Variants in TMEM63A observed in about 807,000 individuals in gnomAD.
TMEM63A encodes mechanosensitive cation channel TMEM63A.
A neutral mutation model predicts 100.6 loss-of-function variants in TMEM63A; 76 were observed. That is an observed-to-expected ratio of 0.76 (90% CI 0.63 to 0.91). TMEM63A has a LOEUF of 0.91. Among genes scored for constraint, TMEM63A ranks in the 40% least tolerant of loss-of-function variants. TMEM63A has a pLI of 0.00. For missense variants in TMEM63A, 876 were observed against 1,008.8 expected, an observed-to-expected ratio of 0.87 and a Z score of 1.78; for synonymous variants, 401 against 401.1, an observed-to-expected ratio of 1.00 and a Z score of 0.00.
chr1:225,844,982 T>C (rs1225047771), downstream of TMEM63A, among the ~76,000 whole-genome samples: 1 of 152,082 alleles, frequency 6.6e-6, no homozygotes, highest in Non-Finnish European at 1.5e-5. Flanking sequence ...GAGAAGGCCC[T>C]CAGTGAGGGG....
At chr1:225,870,451 C>G (rs78344397) in intron 6 of TMEM63A, among the ~76,000 whole-genome samples, 51,657 of 151,686 alleles carry the variant, frequency 0.34, 9,686 homozygotes, top group East Asian at 0.57. Context: ...CCCGCCCCCC[C>G]CCGCCTCCTG....
chr1:225,861,020 C>T (rs762638963), intron 13 of TMEM63A, 23 bp from the exon 14 acceptor site: 8 of 1,588,690 alleles, frequency 5.0e-6, no homozygotes, highest in East Asian at 2.3e-5. Context: ...GTAGCAACAG[C>T]CAGGCCCAGG....
At chr1:225,868,762 C>G (rs1053093232) in intron 6 of TMEM63A, among the ~76,000 whole-genome samples, 1 of 152,090 alleles carries the variant, frequency 6.6e-6, no homozygotes, top group Non-Finnish European at 1.5e-5. Context: ...CCTGTCTCCC[C>G]CTCAGATGGA....
In TMEM63A at chr1:225,857,380, G is replaced by GGT. The variant is rs1669681597; in HGVS notation, c.1378-364_1378-363insAC. Among the ~76,000 whole-genome samples, 3 of 1,210 alleles carry GGT rather than the reference G, an allele frequency of 2.5e-3. 1 individual carries two copies. The allele number at this position is 1,210 out of a possible 152,430, so 0.8% of individuals were successfully genotyped here. A position where few individuals can be genotyped will look rare whatever the true frequency, so the allele number is the denominator to read the frequency against. On this transcript the variant is annotated intron_variant, in intron 15 of 24. Transcript: ENST00000366835. ...CCGAAGGCCTGGAGTCCTGGCCGGC[G>GGT]GGGCGGGGGGGGGGGGGTGCCCTGC...
chr1:225,873,298 C>A (rs1209582059), intron 4 of TMEM63A, among the ~76,000 whole-genome samples: 1 of 152,202 alleles, frequency 6.6e-6, no homozygotes, highest in Non-Finnish European at 1.5e-5. Flanking sequence ...CCAAAAGTTT[C>A]TCTCCAACAG....
intron 23 of TMEM63A, chr1:225,847,540 T>C (rs1050919461): frequency 1.3e-5 from 3 of 226,192 alleles, no homozygotes; most frequent in African/African-American, 6.8e-5. Context: ...TCTACCTATA[T>C]AGGGGGGCTT....
rs1262042001 is a variant in TMEM63A at position 225,848,235 on chromosome 1, AAG to A, written c.2250+255_2250+256del. 7.7e-6 allele frequency: 4 copies of A among 516,572 alleles called. No individual in the cohort carries two copies. The South Asian group carries it at 8.0e-5, about 10-fold the overall frequency. The allele number at this position is 516,572 out of a possible 1,614,324, so 32.0% of individuals were successfully genotyped here. ...CAGGCATTAAATATGCAGAGAAGGA[AAG>A]AGAGCAGGGAACTGAAACCAAGGGG... On this transcript the variant is annotated intron_variant, in intron 23 of 24. Transcript: ENST00000366835.
intron 9 of TMEM63A, 193 bp downstream of exon 9, chr1:225,866,381 T>C: frequency 1.7e-6 from 1 of 578,444 alleles, no homozygotes; most frequent in Non-Finnish European, 3.1e-6. Context: ...GTCCAAATCT[T>C]GAAACAATCC....
chr1:225,849,577 G>T (rs191802624), intron 21 of TMEM63A, among the ~76,000 whole-genome samples: 11 of 152,290 alleles, frequency 7.2e-5, no homozygotes, highest in Non-Finnish European at 1.6e-4. Context: ...TGGGACAATT[G>T]ACCAGGCCTT....
Position 225,850,030 on chromosome 1 carries a change from G to A in TMEM63A, c.1953C>T (p.Tyr651=). The A allele has an allele frequency of 6.2e-7, 1 of 1,614,226 alleles. No homozygotes were observed. The highest frequency in any genetic ancestry group is 8.5e-7 in the Non-Finnish European group (1 of 1,180,044). ...CCAGCTTGGCTGGGAGGTAGACGAA[G>A]TAGAGGTTGTGCCGGTCCACCATGT... ...LKHMVDRHNL[Y]FVYLPAKLEK... is the part of the protein sequence containing the mutation. The change falls in exon 21 of 25, where the codon TAC becomes TAT. Residue 651 remains tyrosine (Y), a synonymous_variant. Transcript: ENST00000366835.
chr1:225,878,722 G>C (rs112474456), intron 2 of TMEM63A, among the ~76,000 whole-genome samples: 8 of 152,252 alleles, frequency 5.3e-5, no homozygotes, highest in African/African-American at 1.7e-4. Context: ...GCTTCTAGCT[G>C]TTACAGGGAC....
At position 225,873,894 on chromosome 1, in the gene TMEM63A, A is replaced by G. The variant is rs140065313; in HGVS notation, c.266+394T>C. Among the ~76,000 whole-genome samples, 76 of 152,370 alleles carry G rather than the reference A, an allele frequency of 5.0e-4. 2 individuals carry two copies. The highest frequency in any genetic ancestry group is 1.7e-3 in the African/African-American group (71 of 41,596). On this transcript the variant is annotated intron_variant, in intron 4 of 24. Coordinates refer to ENST00000366835, the MANE Select transcript of TMEM63A (RefSeq NM_014698.3). The stretch of plus-strand genomic sequence containing the variant: ...GATGACGAAAGCCCTCAGTATCTAA[A>G]GCAACCAGTCTGAAGCCAACAAGGT...
In TMEM63A at chr1:225,871,049, C is replaced by A. The variant is rs780816362; in HGVS notation, c.371+27G>T. Reference sequence around the variant, plus strand: ...CCAAAAAAACCAGCCCAAAGGCCCCCCAGCAGCTGCCCCCGGGTGTACTCA... The same window carrying A: ...CCAAAAAAACCAGCCCAAAGGCCCCACAGCAGCTGCCCCCGGGTGTACTCA... On this transcript the variant is annotated intron_variant, in intron 6 of 24. Transcript: ENST00000366835. 5 of 1,612,978 alleles carry A rather than the reference C, an allele frequency of 3.1e-6. No homozygotes were observed. The African/African-American group carries it at 5.3e-5, about 17-fold the overall frequency.
Position 225,853,932 on chromosome 1 carries a change from A to G in TMEM63A, c.1635-141T>C. Reference sequence around the variant, plus strand: ...CATTCAGCACATATTTGGGAAACACATCTGTGTGCCAAGCACCTTTCTAGG... The same window carrying G: ...CATTCAGCACATATTTGGGAAACACGTCTGTGTGCCAAGCACCTTTCTAGG... On this transcript the variant is annotated intron_variant, in intron 18 of 24. Transcript: ENST00000366835. The surrounding 1 kb of genome is among the most constrained non-coding windows in gnomAD (Gnocchi z 4.0). 2 of 824,504 alleles carry G rather than the reference A, an allele frequency of 2.4e-6. No homozygotes were observed. The highest frequency in any genetic ancestry group is 1.8e-6 in the Non-Finnish European group (1 of 553,956). The allele number at this position is 824,504 out of a possible 1,614,324, so 51.1% of individuals were successfully genotyped here. A position where few individuals can be genotyped will look rare whatever the true frequency, so the allele number is the denominator to read the frequency against.
At position 225,862,545 on chromosome 1, in the gene TMEM63A, T is replaced by C. The variant is rs926480275; in HGVS notation, c.861A>G (p.Thr287=). 37 of 1,613,918 alleles carry C rather than the reference T, an allele frequency of 2.3e-5. No homozygotes were observed. Among genetic ancestry groups the C allele is most frequent in the Non-Finnish European group, 3.1e-5 (37 of 1,179,992 alleles). ...KKTEKSLTYY[T]NLQVKTGQRT... Reference sequence around the variant, plus strand: ...GCTGGCCTGTCTTCACCTGCAGGTTTGTGTAATAGGTCAGGCTCTTCTCAG... The same window carrying C: ...GCTGGCCTGTCTTCACCTGCAGGTTCGTGTAATAGGTCAGGCTCTTCTCAG... Residue 287 remains threonine (T), a synonymous_variant, in exon 12 of 25, where the codon ACA becomes ACG. Coordinates refer to ENST00000366835, the MANE Select transcript of TMEM63A (RefSeq NM_014698.3). The surrounding 1 kb of genome is among the most constrained non-coding windows in gnomAD (Gnocchi z 5.1).
At position 225,847,875 on chromosome 1, in the gene TMEM63A, T is replaced by C. The variant is rs150875093; in HGVS notation, c.2250+617A>G. Among the ~76,000 whole-genome samples, 79 of 152,196 alleles carry C rather than the reference T, an allele frequency of 5.2e-4. 2 individuals are homozygous for C. The highest frequency in any genetic ancestry group is 1.8e-3 in the African/African-American group (74 of 41,520). On this transcript the variant is annotated intron_variant, in intron 23 of 24. Coordinates refer to ENST00000366835, the MANE Select transcript of TMEM63A (RefSeq NM_014698.3). ...ACCAGAAAGAACCCTGCAGATGAGG[T>C]CGGCTCTGTCCTGGCCACGGCTGTC...
intron 3 of TMEM63A, among the ~76,000 whole-genome samples, chr1:225,874,782 T>G (rs1670693765): frequency 6.6e-6 from 1 of 152,192 alleles, no homozygotes. Context: ...CCTTCTTCAC[T>G]TTACAGAAAA....
intron 3 of TMEM63A, among the ~76,000 whole-genome samples, chr1:225,875,523 A>C (rs976383297): frequency 2.6e-5 from 4 of 152,240 alleles, no homozygotes; most frequent in African/African-American, 4.8e-5. Context: ...CCTGAACCCC[A>C]GAGGCACTGA....
At chr1:225,878,081 T>C (rs1359477951) in intron 2 of TMEM63A, among the ~76,000 whole-genome samples, 1 of 152,056 alleles carries the variant, frequency 6.6e-6, no homozygotes, top group Non-Finnish European at 1.5e-5. Context: ...CATCCAAGTA[T>C]TCACGATGGT....
Sources: allele counts gnomAD v4.1 joint callset (sites outside exome capture counted in the v4.1 genomes callset), GRCh38; gene constraint gnomAD v4.1.1; non-coding constraint Gnocchi (gnomAD v3.1); transcripts MANE v1.5; gene names NCBI Gene and HGNC (gene_info 2026-07-23, HGNC 2026-07-21).